The following CDH12 variants were observed in gnomAD, a reference collection of about 807,000 sequenced individuals.
CDH12 encodes the protein cadherin-12.
CDH12 carries 41 observed loss-of-function variants against 74.1 expected under a neutral mutation model. That is an observed-to-expected ratio of 0.55 (90% CI 0.43 to 0.72). The LOEUF is 0.72. CDH12 is among the 30% of genes least tolerant of loss of function. The pLI is 0.00. For synonymous variants in CDH12, 399 were observed against 355.0 expected (o/e 1.12, Z -1.39); for missense variants, 945 against 977.2 (o/e 0.97, Z 0.44).
chr5:22,183,278 T>A (rs902878610), intron 4 of CDH12, among the ~76,000 whole-genome samples: 1 of 151,984 alleles, frequency 6.6e-6, no homozygotes. Context: ...AAATAAAATA[T>A]TGCTTATAAT....
intron 2 of CDH12, among the ~76,000 whole-genome samples, chr5:22,410,353 G>A (rs139998383): frequency 6.6e-6 from 1 of 152,014 alleles, no homozygotes; most frequent in East Asian, 1.9e-4. Context: ...AAAATTATCT[G>A]ACCTATCTTG....
chr5:22,644,609 G>A (rs1450775124), intron 1 of CDH12, among the ~76,000 whole-genome samples: 2 of 151,898 alleles, frequency 1.3e-5, no homozygotes, highest in Non-Finnish European at 2.9e-5. Context: ...TGCAAGATAA[G>A]GCAGTAAGTG....
At chr5:22,845,265 C>G (rs1364955914) in intron 1 of CDH12, among the ~76,000 whole-genome samples, 1 of 152,088 alleles carries the variant, frequency 6.6e-6, no homozygotes, top group Non-Finnish European at 1.5e-5. Context: ...CTAATAACAT[C>G]ACCAGCTAAT....
chr5:22,630,547 C>T (rs889925739), intron 1 of CDH12, among the ~76,000 whole-genome samples: 2 of 152,070 alleles, frequency 1.3e-5, no homozygotes, highest in African/African-American at 4.8e-5. Context: ...GGTGAAAGAA[C>T]TACCTATTCA....
chr5:22,342,008 AG>A (rs1280434595), intron 3 of CDH12, among the ~76,000 whole-genome samples: 2 of 152,078 alleles, frequency 1.3e-5, no homozygotes, highest in Admixed American at 6.5e-5. Flanking sequence ...GTCCAAGATC[AG>A]GGTGTCAGCA....
chr5:22,413,262 G>A lies in CDH12; in HGVS notation c.-427-7911C>T, dbSNP rs989351673. Among the ~76,000 whole-genome samples, 10 of 152,036 alleles carry A rather than the reference G, an allele frequency of 6.6e-5. No individual in the cohort carries two copies. In the East Asian group the frequency reaches 1.9e-3, roughly 29 times the overall value. ...ATCTCCCAGGGAAAATGTATGGCAT[G>A]AAAAGTCCAAAGGGGAAAAGTAGTA... On this transcript the variant is annotated intron_variant, in intron 2 of 14. Transcript: ENST00000382254.
rs553722850 is a variant in CDH12, at chr5:22,559,857, T to G, written c.-522-54493A>C. 1.6e-4 allele frequency among the ~76,000 whole-genome samples: 25 copies of G among 152,292 alleles called. 1 individual carries two copies. The South Asian group carries it at 5.2e-3, about 32-fold the overall frequency. ...TTATGAATTAAAGTGGCTTTGAAAA[T>G]GAATATATTATGTCATACATGATGT... On this transcript the variant is annotated intron_variant, in intron 1 of 14. Coordinates refer to ENST00000382254, the MANE Select transcript of CDH12 (RefSeq NM_004061.5).
intron 6 of CDH12, among the ~76,000 whole-genome samples, chr5:21,973,579 C>A (rs555264394): frequency 2.0e-4 from 30 of 152,278 alleles, no homozygotes; most frequent in African/African-American, 6.5e-4. Flanking sequence ...TTTTCCAATA[C>A]TGTAGAGGCA....
At chr5:22,640,485 G>C (rs117521062) in intron 1 of CDH12, among the ~76,000 whole-genome samples, 1 of 151,778 alleles carries the variant, frequency 6.6e-6, no homozygotes, top group Non-Finnish European at 1.5e-5. Context: ...TGCCCTAATC[G>C]CACCAAAGCA....
chr5:21,789,502 T>C lies in CDH12; in HGVS notation c.1257-6008A>G, dbSNP rs576178700. Among the ~76,000 whole-genome samples the C allele has an allele frequency of 2.6e-5, 4 of 152,294 alleles. No homozygotes were observed. In the South Asian group the frequency reaches 8.3e-4, roughly 32 times the overall value. On this transcript the variant is annotated intron_variant, in intron 10 of 14. Coordinates refer to ENST00000382254, the MANE Select transcript of CDH12 (RefSeq NM_004061.5). ...CTCTTAGAAAATTTTCCAGAGACTG[T>C]AAATGAGCGTCTTTTATTTTTTAAA...
intron 6 of CDH12, among the ~76,000 whole-genome samples, chr5:21,911,043 T>G (rs1414576718): frequency 6.6e-6 from 1 of 152,206 alleles, no homozygotes; most frequent in Non-Finnish European, 1.5e-5. Context: ...AAGAAATTAT[T>G]TTGCAAAGTT....
At chr5:22,354,217 T>C (rs1253750903) in intron 3 of CDH12, among the ~76,000 whole-genome samples, 2 of 152,066 alleles carry the variant, frequency 1.3e-5, no homozygotes, top group African/African-American at 2.4e-5. Context: ...TTTGACAAAA[T>C]AAGACAGGAA....
intron 4 of CDH12, among the ~76,000 whole-genome samples, chr5:22,117,306 G>C (rs1287380450): frequency 6.7e-6 from 1 of 149,106 alleles, no homozygotes; most frequent in Non-Finnish European, 1.5e-5. Context: ...TTATTTATTT[G>C]AAGTGACTTG....
At chr5:22,514,049 TATA>T (rs1736714480) in intron 1 of CDH12, among the ~76,000 whole-genome samples, 1 of 151,554 alleles carries the variant, frequency 6.6e-6, no homozygotes, top group Non-Finnish European at 1.5e-5. Flanking sequence ...ACAATTATTT[TATA>T]ATAATAAAAT....
rs145913991 is a variant in CDH12, at chr5:22,669,458, C to G, written c.-522-164094G>C. ...TCCAATACATATTCTCCCCTTCTTG[C>G]TTAATAAGGAAGGACAGGCGTGGTA... On this transcript the variant is annotated intron_variant, in intron 1 of 14. Coordinates refer to ENST00000382254, the MANE Select transcript of CDH12 (RefSeq NM_004061.5). Among the ~76,000 whole-genome samples the G allele has an allele frequency of 8.6e-4, 131 of 152,232 alleles. 1 individual carries two copies. Among genetic ancestry groups the G allele is most frequent in the African/African-American group, 2.9e-3 (119 of 41,540 alleles).
At chr5:22,077,373 C>G (rs757259663) in intron 5 of CDH12, among the ~76,000 whole-genome samples, 4 of 151,994 alleles carry the variant, frequency 2.6e-5, no homozygotes, top group Non-Finnish European at 5.9e-5. Context: ...CCTCCTTTGA[C>G]CTAATATTGG....
intron 1 of CDH12, among the ~76,000 whole-genome samples, chr5:22,678,044 T>TGGCC (rs35237837): frequency 7.4e-6 from 1 of 135,134 alleles, no homozygotes; most frequent in South Asian, 2.6e-4. Flanking sequence ...ACCATCCTCA[T>TGGCC]GGGGGGGGGG....
At chr5:22,230,498 G>A (rs1237204870) in intron 3 of CDH12, among the ~76,000 whole-genome samples, 1 of 139,790 alleles carries the variant, frequency 7.2e-6, no homozygotes, top group African/African-American at 2.7e-5. Flanking sequence ...TTTTGACAGA[G>A]TCTCTCTCTG....
chr5:22,134,211 T>C (rs1030465810), intron 4 of CDH12, among the ~76,000 whole-genome samples: 16 of 152,028 alleles, frequency 1.1e-4, no homozygotes, highest in Non-Finnish European at 2.2e-4. Flanking sequence ...TCACTTCTAA[T>C]AGGCAAAGAT....
Sources: gnomAD v4.1 joint callset for allele counts (sites outside exome capture counted in the v4.1 genomes callset) on GRCh38, gnomAD v4.1.1 for gene constraint, MANE v1.5 for transcripts, NCBI Gene and HGNC (gene_info 2026-07-23, HGNC 2026-07-21) for gene names.